The following STAB1 variants were observed in gnomAD, a reference collection of about 807,000 sequenced individuals.
The protein encoded by STAB1 is stabilin 1.
STAB1 carries 250 observed loss-of-function variants against 332.4 expected under a neutral mutation model. That is an observed-to-expected ratio of 0.75 (90% confidence interval 0.68 to 0.84). The LOEUF (loss-of-function observed/expected upper bound fraction) is 0.84. Among genes scored for constraint, STAB1 ranks in the 40% least tolerant of loss-of-function variants. STAB1 has a pLI of 0.00. For missense variants in STAB1, 3,249 were observed against 3,489.7 expected, an observed-to-expected ratio of 0.93 and a Z score of 1.74; for synonymous variants, 1,475 against 1,390.4, an observed-to-expected ratio of 1.06 and a Z score of -1.35.
intron 30 of STAB1, 122 bp downstream of exon 30, chr3:52,513,363 C>T: frequency 4.2e-6 from 4 of 951,362 alleles, no homozygotes; most frequent in Non-Finnish European, 6.2e-6. Flanking sequence ...CTCGCCCTGC[C>T]CAGAGCCGGG....
In STAB1 at chr3:52,520,443, G is replaced by A. The variant is rs918534801; in HGVS notation, c.5543G>A (p.Arg1848Gln). Residue 1848 changes from arginine (R) to glutamine (Q), a missense_variant, in exon 53 of 69, where the codon CGG becomes CAG. By Grantham distance (43) the Arg-to-Gln change is conservative. Coordinates refer to ENST00000321725, the MANE Select transcript of STAB1 (RefSeq NM_015136.3). ...GAGGATGATGCTCGCATTGTGCAGC[G>A]GCACTTGCCCTTTGAGGGTGGCCTG... is the stretch of plus-strand genomic sequence containing the variant. Reference protein sequence around the residue: ...VGEDDARIVQRHLPFEGGLAY... With the variant: ...VGEDDARIVQQHLPFEGGLAY... 3.1e-6 allele frequency: 5 copies of A among 1,612,748 alleles called. No individual in the cohort carries two copies. The highest frequency in any genetic ancestry group is 2.7e-5 in the African/African-American group (2 of 75,054).
intron 63 of STAB1, 21 bp from the exon 64 acceptor site, chr3:52,523,199 GTT>G (rs745985209): frequency 1.1e-5 from 17 of 1,612,858 alleles, no homozygotes; most frequent in Non-Finnish European, 1.4e-5. Context: ...CCTGCTCATA[GTT>G]CTGTCTTTCC....
chr3:52,509,615 G>A (rs1323740292), intron 22 of STAB1: 4 of 596,800 alleles, frequency 6.7e-6, no homozygotes, highest in Non-Finnish European at 1.2e-5. Flanking sequence ...CGGGACTTAG[G>A]TCAGACACAC....
intron 45 of STAB1, 85 bp from the exon 46 acceptor site, chr3:52,518,227 T>TAG: frequency 6.3e-7 from 1 of 1,592,756 alleles, no homozygotes; most frequent in Non-Finnish European, 8.6e-7. Context: ...CTGCCTTGGC[T>TAG]AGACCTTGGG....
chr3:52,519,395 C>T lies in STAB1; in HGVS notation c.5166C>T (p.Pro1722=), dbSNP rs769289256. Residue 1722 remains proline (P), a synonymous_variant, in exon 49 of 69, where the codon CCC becomes CCT. Transcript: ENST00000321725. ...TGCACTGGGAGCCTGATGATGCTCC[C>T]ATCCCGAGGGTATGACAAGCACGGG... ...EALHWEPDDA[P]IPRRNVTAAA... The T allele has an allele frequency of 7.4e-6, 12 of 1,613,058 alleles. No homozygotes were observed. The highest frequency in any genetic ancestry group is 1.1e-5 in the South Asian group (1 of 91,078).
chr3:52,504,435 T>C (rs747265324), intron 10 of STAB1, 26 bp from the exon 11 acceptor site: 10 of 1,612,670 alleles, frequency 6.2e-6, no homozygotes, highest in Non-Finnish European at 8.5e-6. Flanking sequence ...AGCTCCCTTC[T>C]GATGCTCCCT....
chr3:52,503,963 G>C, intron 9 of STAB1, 61 bp downstream of exon 9: 1 of 1,611,412 alleles, frequency 6.2e-7, no homozygotes, highest in Non-Finnish European at 8.5e-7. Flanking sequence ...TCTGCGGGAA[G>C]GCGTGGGGGG....
chr3:52,518,192 C>T, intron 45 of STAB1, 120 bp from the exon 46 acceptor site: 2 of 1,534,798 alleles, frequency 1.3e-6, no homozygotes, highest in South Asian at 1.2e-5. Flanking sequence ...CCAACTCAGA[C>T]CCCGCGGCTT....
chr3:52,507,776 TA>T, intron 19 of STAB1, 101 bp downstream of exon 19: 1 of 1,525,688 alleles, frequency 6.6e-7, no homozygotes, highest in Non-Finnish European at 9.1e-7. Flanking sequence ...GCTGGGAGGC[TA>T]GATCACACCT....
chr3:52,513,968 G>A lies in STAB1; in HGVS notation c.3434G>A (p.Arg1145Gln), dbSNP rs149300853. The change falls in exon 32 of 69, where the codon CGG becomes CAG. Residue 1145 changes from arginine to glutamine, a missense_variant. Arg to Gln is a conservative substitution (Grantham distance 43, BLOSUM62 1). Coordinates refer to ENST00000321725, the MANE Select transcript of STAB1 (RefSeq NM_015136.3). ...LDLVPAFSLF[R>Q]ELLQHHGLVP... ...TTGGTGCCTGCCTTCAGCCTCTTCC[G>A]GGAATTGCTGCAGGTACGGAAGGCT... 22 of 1,601,600 alleles carry A rather than the reference G, an allele frequency of 1.4e-5. No individual in the cohort carries two copies. Among genetic ancestry groups the A allele is most frequent in the Middle Eastern group, 1.7e-4 (1 of 6,044 alleles).
intron 48 of STAB1, 91 bp from the exon 49 acceptor site, chr3:52,519,173 T>G: frequency 6.6e-7 from 1 of 1,524,738 alleles, no homozygotes; most frequent in South Asian, 1.2e-5. Flanking sequence ...CACCCTGACT[T>G]GCCCAACCCA....
At position 52,520,213 on chromosome 3, in the gene STAB1, T is replaced by C. The variant is rs1265799580; in HGVS notation, c.5422T>C (p.Ser1808Pro). 3 of 1,613,188 alleles carry C rather than the reference T, an allele frequency of 1.9e-6. No homozygotes were observed. Among genetic ancestry groups the C allele is most frequent in the Admixed American group, 3.3e-5 (2 of 60,028 alleles). ...GACTCCACTTGCTCAGGCCTTGGCA[T>C]CTGACCTGCCCAACCTGGGCCCACT... The part of the protein sequence containing the change: ...HMIRNVEALA[S>P]DLPNLGPLRT... The change falls in exon 52 of 69, where the codon TCT (serine) becomes CCT (proline). Residue 1808 changes from serine (S) to proline (P), a missense_variant. By Grantham distance (74) the Ser-to-Pro change is moderately conservative (BLOSUM62 -1). Transcript: ENST00000321725.
rs200287248 is a variant in STAB1 at position 52,502,240 on chromosome 3, A to C, written c.487+12A>C. Reference sequence around the variant, plus strand: ...TGACTGCCAATCGGGTGAGTGCTTAAAAGGCAAGAGGGCACGGCCAGCGTC... The same window carrying C: ...TGACTGCCAATCGGGTGAGTGCTTACAAGGCAAGAGGGCACGGCCAGCGTC... On this transcript the variant is annotated intron_variant, in intron 5 of 68. Transcript: ENST00000321725. The C allele has an allele frequency of 5.0e-6, 8 of 1,609,564 alleles. No individual in the cohort carries two copies. The African/African-American group carries it at 8.0e-5, about 16-fold the overall frequency.
chr3:52,511,878 A>C, intron 26 of STAB1, 133 bp downstream of exon 26: 2 of 740,264 alleles, frequency 2.7e-6, no homozygotes, highest in Non-Finnish European at 4.2e-6. Context: ...TAAACTTCAA[A>C]TCCAACCATG....
chr3:52,516,453 T>A lies in STAB1; in HGVS notation c.4240+2T>A, dbSNP rs1170444171. On this transcript the variant is annotated splice_donor_variant, in intron 39 of 68. Transcript: ENST00000321725. LOFTEE classifies it high-confidence loss of function. The stretch of plus-strand genomic sequence containing the variant: ...GGCAGGGCCTCCGCTGTGACCAGAG[T>A]GAGTGGGTCCCAATGGGGAGGGGGC... 1 of 1,612,932 alleles carries A rather than the reference T, an allele frequency of 6.2e-7. No individual in the cohort carries two copies. Among genetic ancestry groups the A allele is most frequent in the Admixed American group, 1.7e-5 (1 of 59,978 alleles).
chr3:52,503,750 C>G, intron 8 of STAB1, 22 bp from the exon 9 acceptor site: 1 of 1,612,746 alleles, frequency 6.2e-7, no homozygotes, highest in South Asian at 1.1e-5. Flanking sequence ...TGGTGTTCCC[C>G]TCCTGCCCTG....
intron 1 of STAB1, among the ~76,000 whole-genome samples, chr3:52,499,628 G>A (rs528494891): frequency 3.4e-4 from 51 of 152,084 alleles, no homozygotes; most frequent in South Asian, 1.2e-3. Flanking sequence ...GGCCGGGCGC[G>A]GTGGCTCACG....
chr3:52,500,289 A>G (rs1490049589), intron 1 of STAB1, among the ~76,000 whole-genome samples: 3 of 152,154 alleles, frequency 2.0e-5, no homozygotes, highest in Non-Finnish European at 4.4e-5. Context: ...ATTCTCATGC[A>G]TCCTTCAGGT....
At chr3:52,507,583 C>T in intron 18 of STAB1, 30 bp from the exon 19 acceptor site, 2 of 1,606,592 alleles carry the variant, frequency 1.2e-6, no homozygotes, top group East Asian at 2.2e-5. Flanking sequence ...TGACTAACCC[C>T]TCTCCCCATC....
Sources: gnomAD v4.1 joint callset for allele counts (sites outside exome capture counted in the v4.1 genomes callset) on GRCh38, gnomAD v4.1.1 for gene constraint, MANE v1.5 for transcripts, NCBI Gene and HGNC (gene_info 2026-07-23, HGNC 2026-07-21) for gene names.